TP53BP1: variants seen among roughly 807,000 people sequenced by gnomAD.
The protein encoded by TP53BP1 is TP53-binding protein 1.
TP53BP1 carries 61 observed loss-of-function variants against 200.8 expected under a neutral mutation model. The ratio of observed to expected loss-of-function variants is 0.30; its 90% CI spans 0.25 to 0.38. The LOEUF (loss-of-function observed/expected upper bound fraction) is 0.38, where lower values mean the gene tolerates loss of function less well. TP53BP1 is among the 10% of genes least tolerant of loss of function. The pLI, the probability that TP53BP1 is intolerant of heterozygous loss-of-function variation, is 1.00. For synonymous variants in TP53BP1, 822 were observed against 844.3 expected (o/e 0.97, Z 0.46); for missense variants, 2,144 against 2,371.9 (o/e 0.90, Z 2.00).
chr15:43,424,527 C>G (rs1223355978), intron 18 of TP53BP1, among the ~76,000 whole-genome samples: 1 of 152,200 alleles, frequency 6.6e-6, no homozygotes, highest in Non-Finnish European at 1.5e-5. Flanking sequence ...AAATAATTCA[C>G]TAAAGTGCTT....
At chr15:43,496,095 C>T (rs1182512040), upstream of TP53BP1, among the ~76,000 whole-genome samples, 1 of 152,162 alleles carries the variant, frequency 6.6e-6, no homozygotes, top group Non-Finnish European at 1.5e-5. Flanking sequence ...ACATCTTTTC[C>T]TAAACCACCT....
At chr15:43,480,652 G>T (rs538597553) in intron 5 of TP53BP1, among the ~76,000 whole-genome samples, 118 of 152,176 alleles carry the variant, frequency 7.8e-4, no homozygotes, top group Non-Finnish European at 1.3e-3. Context: ...AAAAATATTT[G>T]AAAAACAAAT....
At chr15:43,447,617 C>T (rs2046074473) in intron 12 of TP53BP1, 132 bp from the exon 13 acceptor site, 2 of 922,846 alleles carry the variant, frequency 2.2e-6, no homozygotes. Flanking sequence ...CTCCCAAATT[C>T]TGTCTCATTG....
chr15:43,429,794 T>C (rs570918339), intron 17 of TP53BP1, among the ~76,000 whole-genome samples: 1 of 152,344 alleles, frequency 6.6e-6, no homozygotes, highest in African/African-American at 2.4e-5. Flanking sequence ...AGCACAGGTC[T>C]GTCCTACCTC....
intron 3 of TP53BP1, 122 bp from the exon 4 acceptor site, chr15:43,491,875 A>G (rs917655324): frequency 4.7e-6 from 5 of 1,065,206 alleles, no homozygotes; most frequent in Non-Finnish European, 7.3e-6. Context: ...TTGAGTGACT[A>G]CTACGCAGAT....
At chr15:43,473,855 T>C (rs2046785798) in intron 10 of TP53BP1, among the ~76,000 whole-genome samples, 1 of 152,214 alleles carries the variant, frequency 6.6e-6, no homozygotes, top group Non-Finnish European at 1.5e-5. Flanking sequence ...TGCCTACCAG[T>C]CCTGTGCCGT....
intron 12 of TP53BP1, among the ~76,000 whole-genome samples, chr15:43,453,745 A>G (rs1422756886): frequency 1.3e-5 from 2 of 151,936 alleles, no homozygotes; most frequent in African/African-American, 4.8e-5. Context: ...AGGTTTCATC[A>G]TGTTGGCAAG....
intron 11 of TP53BP1, among the ~76,000 whole-genome samples, chr15:43,463,504 T>C (rs1029579836): frequency 2.0e-5 from 3 of 152,040 alleles, no homozygotes; most frequent in Admixed American, 2.0e-4. Flanking sequence ...ATGAAAAAAG[T>C]AGGGAACTTA....
At position 43,410,159 on chromosome 15, in the gene TP53BP1, TGGA is replaced by T. The variant is rs1345148773; in HGVS notation, c.5306-421_5306-419del. 2.6e-5 allele frequency among the ~76,000 whole-genome samples: 4 copies of T among 152,224 alleles called. No homozygotes were observed. In the South Asian group the frequency reaches 6.2e-4, roughly 24 times the overall value. ...CCATTTCCTCTAGTTCTGCCTTCTG[TGGA>T]GATGAATAGCTGATGAACACTTTAT... On this transcript the variant is annotated intron_variant, in intron 24 of 27. Transcript: ENST00000382044.
At chr15:43,467,787 T>C (rs1007823266) in intron 11 of TP53BP1, among the ~76,000 whole-genome samples, 4 of 144,852 alleles carry the variant, frequency 2.8e-5, no homozygotes, top group African/African-American at 1.0e-4. Flanking sequence ...ATTCTTAAAC[T>C]CTTTTTTTTT....
intron 18 of TP53BP1, among the ~76,000 whole-genome samples, 156 bp from the exon 19 acceptor site, chr15:43,422,282 T>C (rs199862872): frequency 7.2e-4 from 110 of 152,314 alleles, no homozygotes; most frequent in Non-Finnish European, 1.4e-3. Flanking sequence ...TGTATCTGTT[T>C]TGAGTAGTGG....
chr15:43,445,672 T>C (rs760683410), intron 14 of TP53BP1, among the ~76,000 whole-genome samples: 7 of 152,172 alleles, frequency 4.6e-5, no homozygotes, highest in Non-Finnish European at 7.3e-5. Context: ...ATACAGTATA[T>C]GTGAAGAGTC....
chr15:43,493,033 G>A lies in TP53BP1; in HGVS notation c.7+4C>T, dbSNP rs375720310. On this transcript the variant is annotated splice_donor_region_variant and intron_variant, in intron 1 of 27. Transcript: ENST00000382044. The stretch of plus-strand genomic sequence containing the variant: ...CTGCACTCCCATTTCTCTCCAAACA[G>A]TACCAGGCATCCCGGCGGGAGGTCC... 5.0e-6 allele frequency: 8 copies of A among 1,612,594 alleles called. No homozygotes were observed. Among genetic ancestry groups the A allele is most frequent in the Non-Finnish European group, 6.8e-6 (8 of 1,179,542 alleles).
upstream of TP53BP1, among the ~76,000 whole-genome samples, chr15:43,497,965 TA>T (rs1296168315): frequency 6.6e-6 from 1 of 152,184 alleles, no homozygotes; most frequent in Non-Finnish European, 1.5e-5. Context: ...ACTTAGATCA[TA>T]AAAAATTTTA....
rs1241249149 is a variant in TP53BP1, at chr15:43,470,033, T to C, written c.1214A>G (p.Glu405Gly). ...TTTCTTCTGAAAAGGCTCTCCTCCTTCTTCAGATAACACTGACGTGTCCAT... is the reference window on the plus strand; with the variant it reads ...TTTCTTCTGAAAAGGCTCTCCTCCTCCTTCAGATAACACTGACGTGTCCAT... ...KPMDTSVLSE[E>G]GGEPFQKKLQ... The change falls in exon 11 of 28, where the codon GAA (glutamate) becomes GGA (glycine). Residue 405 changes from glutamate (E) to glycine (G), a missense_variant. This residue lies in a region of TP53BP1 where 1,700 missense variants were observed against 1,710.3 expected (regional missense o/e 0.99). Coordinates refer to ENST00000382044, the MANE Select transcript of TP53BP1 (RefSeq NM_001141980.3). 11 of 1,613,330 alleles carry C rather than the reference T, an allele frequency of 6.8e-6. No individual in the cohort carries two copies. Among genetic ancestry groups the C allele is most frequent in the Admixed American group, 1.7e-5 (1 of 60,022 alleles).
In TP53BP1 at chr15:43,404,389, A is replaced by G; in HGVS notation, c.*2994T>C. On this transcript the variant is annotated 3_prime_UTR_variant, in exon 28 of 28. Transcript: ENST00000382044. ...AGAGTTGGTGAGCTGAAGTGGAATGACAGCTGAGTCCTTCTCTCTGCAGGG... is the reference window on the plus strand; with the variant it reads ...AGAGTTGGTGAGCTGAAGTGGAATGGCAGCTGAGTCCTTCTCTCTGCAGGG... The G allele has an allele frequency of 1.2e-6, 2 of 1,613,396 alleles. No individual in the cohort carries two copies. Among genetic ancestry groups the G allele is most frequent in the South Asian group, 2.2e-5 (2 of 90,992 alleles).
chr15:43,420,282 A>G lies in TP53BP1; in HGVS notation c.4681+23T>C, dbSNP rs2045364623. 3.7e-6 allele frequency: 6 copies of G among 1,603,954 alleles called. No homozygotes were observed. In the South Asian group the frequency reaches 5.5e-5, roughly 15 times the overall value. On this transcript the variant is annotated intron_variant, in intron 21 of 27. Coordinates refer to ENST00000382044, the MANE Select transcript of TP53BP1 (RefSeq NM_001141980.3). ...TGCCCCAAGGCACAAAAAAATCTCTACAAACTCTGCTTCTTTCATTACCTG... is the reference window on the plus strand; with the variant it reads ...TGCCCCAAGGCACAAAAAAATCTCTGCAAACTCTGCTTCTTTCATTACCTG...
At chr15:43,486,079 A>C (rs1475195630) in intron 4 of TP53BP1, among the ~76,000 whole-genome samples, 1 of 149,542 alleles carries the variant, frequency 6.7e-6, no homozygotes, top group African/African-American at 2.4e-5. Context: ...GAAAACAAAC[A>C]AAAAAAAAAT....
chr15:43,451,248 C>G (rs991937391), intron 12 of TP53BP1, among the ~76,000 whole-genome samples: 1 of 151,684 alleles, frequency 6.6e-6, no homozygotes, highest in Non-Finnish European at 1.5e-5. Context: ...GTTAGTCACA[C>G]ACGTATACAT....
Sources: allele counts gnomAD v4.1 joint callset (sites outside exome capture counted in the v4.1 genomes callset), GRCh38; gene constraint gnomAD v4.1.1; regional missense constraint gnomAD v4.1.1; transcripts MANE v1.5; gene names NCBI Gene and HGNC (gene_info 2026-07-23, HGNC 2026-07-21).